PLCB4: variants seen among roughly 807,000 people sequenced by gnomAD.
PLCB4 encodes the protein phospholipase C beta 4.
In PLCB4, 77 loss-of-function variants were observed where a neutral mutation model predicts 178.8. That is an observed-to-expected ratio of 0.43 (90% CI 0.36 to 0.52). The LOEUF (loss-of-function observed/expected upper bound fraction) is 0.52. Among genes scored for constraint, PLCB4 ranks in the 20% least tolerant of loss-of-function variants. The pLI is 0.00. For missense variants in PLCB4, 1,024 were observed against 1,453.4 expected, an observed-to-expected ratio of 0.70 and a Z score of 4.80; for synonymous variants, 496 against 490.8, an observed-to-expected ratio of 1.01 and a Z score of -0.14.
At chr20:9,459,476 A>G (rs1360752947) in intron 34 of PLCB4, among the ~76,000 whole-genome samples, 159 bp from the exon 35 acceptor site, 2 of 152,242 alleles carry the variant, frequency 1.3e-5, no homozygotes, top group African/African-American at 4.8e-5. Context: ...CCTGCTTCCC[A>G]TTGATTAATA....
chr20:9,205,510 C>G (rs2093605105), intron 2 of PLCB4, among the ~76,000 whole-genome samples: 1 of 152,114 alleles, frequency 6.6e-6, no homozygotes, highest in Admixed American at 6.5e-5. Flanking sequence ...AAATATAATA[C>G]AGAGAAATCT....
intron 4 of PLCB4, among the ~76,000 whole-genome samples, chr20:9,328,427 G>C (rs2031078539): frequency 6.6e-6 from 1 of 152,202 alleles, no homozygotes; most frequent in Non-Finnish European, 1.5e-5. Flanking sequence ...TGTTTCAGTA[G>C]TACAGTTGTT....
intron 39 of PLCB4, among the ~76,000 whole-genome samples, chr20:9,478,115 T>C (rs553014197): frequency 2.9e-4 from 44 of 152,334 alleles, no homozygotes; most frequent in African/African-American, 1.1e-3. Context: ...AGTTGGATAA[T>C]AAAAGTCGAA....
chr20:9,454,885 C>T (rs2042967266), intron 33 of PLCB4, among the ~76,000 whole-genome samples: 1 of 152,176 alleles, frequency 6.6e-6, no homozygotes, highest in Non-Finnish European at 1.5e-5. Flanking sequence ...TATTATGCAT[C>T]ATCTGCCTTT....
At chr20:9,325,244 G>A (rs2030288249) in intron 4 of PLCB4, among the ~76,000 whole-genome samples, 1 of 152,048 alleles carries the variant, frequency 6.6e-6, no homozygotes. Context: ...TTTAATATTT[G>A]TTGTAAATAT....
chr20:9,164,609 G>A (rs1357624500), intron 2 of PLCB4, among the ~76,000 whole-genome samples: 1 of 152,156 alleles, frequency 6.6e-6, no homozygotes, highest in Non-Finnish European at 1.5e-5. Flanking sequence ...GTATAACTCA[G>A]TTTAGAAAGA....
At chr20:9,181,035 A>T (rs2093237735) in intron 2 of PLCB4, among the ~76,000 whole-genome samples, 2 of 152,202 alleles carry the variant, frequency 1.3e-5, no homozygotes, top group African/African-American at 4.8e-5. Context: ...ATTGTAATGC[A>T]GAGAAAGTTC....
Position 9,393,693 on chromosome 20 carries a change from C to T in PLCB4, c.1414+15C>T, listed in dbSNP as rs377545373. 7.2e-5 allele frequency: 107 copies of T among 1,489,916 alleles called. No individual in the cohort carries two copies. Among genetic ancestry groups the T allele is most frequent in the South Asian group, 3.4e-5 (3 of 88,590 alleles). 92.3% of individuals were successfully genotyped at this position (1,489,916 alleles called of 1,614,324 possible). On this transcript the variant is annotated intron_variant, in intron 18 of 39. Coordinates refer to ENST00000378473, the MANE Select transcript of PLCB4 (RefSeq NM_001377142.1). The stretch of plus-strand genomic sequence containing the variant: ...AGTTGAAAAAAGTAAGTGAAACACA[C>T]ACATTTATAATGGAAGCATACATAA...
At chr20:9,115,254 C>A (rs184022883) in intron 2 of PLCB4, among the ~76,000 whole-genome samples, 1 of 151,914 alleles carries the variant, frequency 6.6e-6, no homozygotes, top group Non-Finnish European at 1.5e-5. Context: ...TAAATTGAAA[C>A]GAGAACAGTG....
In PLCB4 at chr20:9,384,266, G is replaced by C; in HGVS notation, c.919G>C (p.Asp307His). The C allele has an allele frequency of 6.2e-7, 1 of 1,614,086 alleles. No individual in the cohort carries two copies. Among genetic ancestry groups the C allele is most frequent in the Non-Finnish European group, 8.5e-7 (1 of 1,179,996 alleles). The change falls in exon 14 of 40, where the codon GAT becomes CAT. Residue 307 changes from aspartate to histidine, a missense_variant. Physicochemically the swap from Asp to His is moderately conservative, Grantham distance 81 (BLOSUM62 -1). Around this residue, in one of 7 missense-constraint regions of PLCB4, gnomAD observed 263 missense variants for 417.4 expected, o/e 0.63. Coordinates refer to ENST00000378473, the MANE Select transcript of PLCB4 (RefSeq NM_001377142.1). ...AGATGAAAACGCCCCAGTCTTCCTA[G>C]ATCGTTTAGAACTTTACCAAGAAAT... ...MSDENAPVFL[D>H]RLELYQEMDH...
intron 3 of PLCB4, among the ~76,000 whole-genome samples, chr20:9,258,580 T>G (rs2094261692): frequency 6.6e-6 from 1 of 151,886 alleles, no homozygotes; most frequent in South Asian, 2.1e-4. Context: ...CCGGGTGTGG[T>G]GGCGTGTGCC....
intron 2 of PLCB4, among the ~76,000 whole-genome samples, chr20:9,161,401 G>C (rs1002960045): frequency 4.6e-5 from 7 of 152,204 alleles, no homozygotes; most frequent in Admixed American, 2.0e-4. Flanking sequence ...TCAGTGAGAA[G>C]ATGGACAGTA....
rs542398058 is a variant in PLCB4, at chr20:9,094,885, G to A, written c.-134-1402G>A. 1.1e-4 allele frequency among the ~76,000 whole-genome samples: 17 copies of A among 152,288 alleles called. No individual in the cohort carries two copies. The South Asian group carries it at 3.5e-3, about 32-fold the overall frequency. On this transcript the variant is annotated intron_variant, in intron 1 of 39. Coordinates refer to ENST00000378473, the MANE Select transcript of PLCB4 (RefSeq NM_001377142.1). ...CTATCTTGGCTTTCTTTTGTTAGCA[G>A]AGCTTACCTGCAACTGTAGTTTCAG... is the stretch of plus-strand genomic sequence containing the variant.
intron 7 of PLCB4, among the ~76,000 whole-genome samples, chr20:9,340,306 G>A (rs901323582): frequency 6.6e-6 from 1 of 152,100 alleles, no homozygotes; most frequent in Non-Finnish European, 1.5e-5. Context: ...CACTCACAAA[G>A]TATGGTCCTC....
At chr20:9,427,882 G>A (rs1357208341) in intron 28 of PLCB4, among the ~76,000 whole-genome samples, 1 of 152,142 alleles carries the variant, frequency 6.6e-6, no homozygotes, top group Non-Finnish European at 1.5e-5. Flanking sequence ...TGTTTCATGA[G>A]CCTCCCAGCG....
At chr20:9,116,144 T>G (rs1213518919) in intron 2 of PLCB4, among the ~76,000 whole-genome samples, 3 of 151,578 alleles carry the variant, frequency 2.0e-5, no homozygotes, top group South Asian at 4.2e-4. Flanking sequence ...CGTGTGTGTG[T>G]GCGCGTGTGT....
At chr20:9,162,576 C>G (rs1001780625) in intron 2 of PLCB4, among the ~76,000 whole-genome samples, 1 of 152,164 alleles carries the variant, frequency 6.6e-6, no homozygotes, top group East Asian at 1.9e-4. Context: ...GGTATTTGCT[C>G]TGGAAACACA....
intron 4 of PLCB4, among the ~76,000 whole-genome samples, chr20:9,322,432 A>G (rs2094971984): frequency 6.6e-6 from 1 of 152,258 alleles, no homozygotes; most frequent in South Asian, 2.1e-4. Context: ...TTTATAAAAT[A>G]CTTTCTCTTA....
chr20:9,456,460 C>T (rs1239023731), intron 33 of PLCB4, among the ~76,000 whole-genome samples: 5 of 151,760 alleles, frequency 3.3e-5, no homozygotes, highest in Non-Finnish European at 5.9e-5. Flanking sequence ...TTGCATAGCC[C>T]GAATATAAAG....
Sources: allele counts gnomAD v4.1 joint callset (sites outside exome capture counted in the v4.1 genomes callset), GRCh38; gene constraint gnomAD v4.1.1; regional missense constraint gnomAD v4.1.1; transcripts MANE v1.5; gene names NCBI Gene and HGNC (gene_info 2026-07-23, HGNC 2026-07-21).